Variants in ADK observed in about 807,000 individuals in gnomAD.
ADK encodes the protein adenosine kinase, also known as N6,N6-dimethyladenosine kinase.
ADK carries 24 observed loss-of-function variants against 44.7 expected under a neutral mutation model. The observed-to-expected ratio is 0.54, with a 90% CI of 0.39 to 0.76. ADK has a LOEUF of 0.76. Among genes scored for constraint, ADK ranks in the 30% least tolerant of loss-of-function variants. ADK has a pLI of 0.00. For synonymous variants in ADK, 128 were observed against 142.6 expected, an observed-to-expected ratio of 0.90 and a Z score of 0.73; for missense variants, 321 against 425.1, an observed-to-expected ratio of 0.76 and a Z score of 2.15.
At chr10:74,410,481 C>G (rs151003588) in intron 6 of ADK, among the ~76,000 whole-genome samples, 371 of 152,138 alleles carry the variant, frequency 2.4e-3, no homozygotes, top group African/African-American at 8.3e-3. Context: ...TGAGACCAGC[C>G]TGGCCAAAAT....
chr10:74,266,779 T>G (rs753771481), intron 3 of ADK, among the ~76,000 whole-genome samples: 24 of 152,164 alleles, frequency 1.6e-4, no homozygotes, highest in South Asian at 2.1e-4. Flanking sequence ...AAAGGTTGTA[T>G]ATAAAAAGGT....
chr10:74,520,105 T>C (rs1049238605), intron 6 of ADK, among the ~76,000 whole-genome samples: 4 of 152,026 alleles, frequency 2.6e-5, no homozygotes, highest in African/African-American at 7.2e-5. Flanking sequence ...TAACCTTCAG[T>C]TGAATCCAGT....
At chr10:74,586,752 G>A (rs1445633777) in intron 7 of ADK, among the ~76,000 whole-genome samples, 1 of 151,754 alleles carries the variant, frequency 6.6e-6, no homozygotes, top group African/African-American at 2.4e-5. Context: ...TACTCGGGAG[G>A]CTGAGGCAGG....
At chr10:74,329,556 G>A (rs978139908) in intron 4 of ADK, among the ~76,000 whole-genome samples, 1 of 152,150 alleles carries the variant, frequency 6.6e-6, no homozygotes, top group Admixed American at 6.5e-5. Flanking sequence ...ATAAAAATTA[G>A]CAGTTATGCA....
chr10:74,151,402 C>T (rs1841581188), intron 1 of ADK, 59 bp downstream of exon 1: 4 of 1,529,180 alleles, frequency 2.6e-6, no homozygotes, highest in East Asian at 4.9e-5. Flanking sequence ...CCAGGGCCCA[C>T]GTGGGGTTGC....
chr10:74,462,802 G>A (rs920142693), intron 6 of ADK, among the ~76,000 whole-genome samples: 1 of 152,074 alleles, frequency 6.6e-6, no homozygotes, highest in Non-Finnish European at 1.5e-5. Context: ...ATAAGAACTT[G>A]GGCTTTTTAT....
chr10:74,261,846 T>G (rs1272229766), intron 3 of ADK, among the ~76,000 whole-genome samples: 1 of 152,140 alleles, frequency 6.6e-6, no homozygotes, highest in African/African-American at 2.4e-5. Context: ...TATGGCTTTT[T>G]TTTTTCATTG....
intron 3 of ADK, among the ~76,000 whole-genome samples, chr10:74,281,592 T>G (rs1846938344): frequency 6.6e-6 from 1 of 152,218 alleles, no homozygotes; most frequent in Non-Finnish European, 1.5e-5. Context: ...TACCTATCCC[T>G]GGAGCTGCTG....
chr10:74,424,573 C>T (rs1592193182), intron 6 of ADK, among the ~76,000 whole-genome samples: 1 of 143,808 alleles, frequency 7.0e-6, no homozygotes, highest in African/African-American at 2.8e-5. Context: ...AAAAAATTCC[C>T]CTGCCTCTCT....
intron 1 of ADK, among the ~76,000 whole-genome samples, chr10:74,184,437 C>T (rs1399609207): frequency 6.6e-6 from 1 of 152,052 alleles, no homozygotes; most frequent in Admixed American, 6.6e-5. Context: ...TCAAGTGATC[C>T]TCCCACCTCA....
chr10:74,524,415 C>T (rs1848959505), intron 6 of ADK, among the ~76,000 whole-genome samples: 1 of 152,088 alleles, frequency 6.6e-6, no homozygotes, highest in South Asian at 2.1e-4. Flanking sequence ...GATATAGAGA[C>T]AAGGTCTCCG....
Position 74,523,966 on chromosome 10 carries a change from AC to A in ADK, c.556-1286del, listed in dbSNP as rs200749090. ...CGGAAATATTCATTACCCATGATCC[AC>A]CCCTACCCCTCTTGCACATTGCCCA... On this transcript the variant is annotated intron_variant, in intron 6 of 10. Transcript: ENST00000539909. 5.7e-3 allele frequency among the ~76,000 whole-genome samples: 861 copies of A among 152,162 alleles called. 6 individuals are homozygous for A. Among genetic ancestry groups the A allele is most frequent in the African/African-American group, 0.02 (815 of 41,484 alleles).
At chr10:74,170,983 T>G (rs544771126) in intron 1 of ADK, among the ~76,000 whole-genome samples, 15 of 152,126 alleles carry the variant, frequency 9.9e-5, no homozygotes, top group Non-Finnish European at 2.2e-4. Flanking sequence ...CATTTTTTTC[T>G]ATGCATATAT....
At chr10:74,257,048 T>TA (rs544454848) in intron 3 of ADK, among the ~76,000 whole-genome samples, 314 of 152,326 alleles carry the variant, frequency 2.1e-3, no homozygotes, top group African/African-American at 7.0e-3. Context: ...TTTAATTTGT[T>TA]AAATAAAAGT....
intron 9 of ADK, among the ~76,000 whole-genome samples, chr10:74,647,920 G>T (rs1589330764): frequency 6.6e-6 from 1 of 152,088 alleles, no homozygotes. Flanking sequence ...AATTATCAAG[G>T]TACAATCAGC....
chr10:74,568,823 C>T (rs548739567), intron 7 of ADK, among the ~76,000 whole-genome samples: 104 of 151,946 alleles, frequency 6.8e-4, no homozygotes, highest in Admixed American at 1.4e-3. Context: ...ATGTGCACAA[C>T]GTGCAGGTTA....
chr10:74,377,300 T>C (rs938423010), intron 4 of ADK, among the ~76,000 whole-genome samples: 3 of 152,194 alleles, frequency 2.0e-5, no homozygotes, highest in Non-Finnish European at 4.4e-5. Flanking sequence ...GCACAGCCTC[T>C]GGATTAGATC....
At chr10:74,479,395 GTTTT>G (rs557302014) in intron 6 of ADK, among the ~76,000 whole-genome samples, 4 of 117,220 alleles carry the variant, frequency 3.4e-5, no homozygotes, top group Non-Finnish European at 7.4e-5. Context: ...TTTTTTGTTG[GTTTT>G]TTTTTTTTTT....
At chr10:74,505,471 G>T (rs1848032624) in intron 6 of ADK, among the ~76,000 whole-genome samples, 1 of 149,352 alleles carries the variant, frequency 6.7e-6, no homozygotes, top group Admixed American at 6.7e-5. Flanking sequence ...GTTAGCTCTT[G>T]AATTACTCCA....
Sources: allele counts gnomAD v4.1 joint callset (sites outside exome capture counted in the v4.1 genomes callset), GRCh38; gene constraint gnomAD v4.1.1; transcripts MANE v1.5; gene names NCBI Gene and HGNC (gene_info 2026-07-23, HGNC 2026-07-21).